The following CNTN5 variants were observed in gnomAD, a reference collection of about 807,000 sequenced individuals.
The protein encoded by CNTN5 is contactin 5.
A neutral mutation model predicts 129.1 loss-of-function variants in CNTN5; 77 were observed. That is an observed-to-expected ratio of 0.60 (90% confidence interval 0.50 to 0.72). The LOEUF is 0.72. Among genes scored for constraint, CNTN5 ranks in the 30% least tolerant of loss-of-function variants. The pLI is 0.00. For synonymous variants in CNTN5, 509 were observed against 465.6 expected (o/e 1.09, Z -1.20); for missense variants, 1,478 against 1,328.8 (o/e 1.11, Z -1.75).
intron 4 of CNTN5, among the ~76,000 whole-genome samples, chr11:99,824,808 A>T (rs534326909): frequency 1.3e-5 from 2 of 152,092 alleles, no homozygotes; most frequent in East Asian, 3.9e-4. Flanking sequence ...GTATTAACCA[A>T]TGTCAGTGAT....
At chr11:99,483,394 G>A (rs1945682029) in intron 2 of CNTN5, among the ~76,000 whole-genome samples, 1 of 151,972 alleles carries the variant, frequency 6.6e-6, no homozygotes, top group Non-Finnish European at 1.5e-5. Flanking sequence ...CTGGAGTTGT[G>A]CGCATGCTCA....
At chr11:99,416,512 C>G (rs1942662320) in intron 2 of CNTN5, among the ~76,000 whole-genome samples, 1 of 151,972 alleles carries the variant, frequency 6.6e-6, no homozygotes, top group Non-Finnish European at 1.5e-5. Flanking sequence ...GTCTCAAATT[C>G]CTGGCTTCAA....
intron 1 of CNTN5, among the ~76,000 whole-genome samples, chr11:99,320,584 G>C (rs1196939293): frequency 1.3e-5 from 2 of 151,910 alleles, no homozygotes; most frequent in Admixed American, 1.3e-4. Context: ...AACCTTCTAA[G>C]GCACAGAAAA....
At chr11:99,927,027 A>G (rs1025197127) in intron 7 of CNTN5, among the ~76,000 whole-genome samples, 7 of 152,220 alleles carry the variant, frequency 4.6e-5, no homozygotes, top group Non-Finnish European at 1.5e-5. Context: ...TTTTAAAAGT[A>G]ATCAATTAGT....
intron 1 of CNTN5, among the ~76,000 whole-genome samples, chr11:99,147,238 T>C (rs1859834491): frequency 6.6e-6 from 1 of 152,290 alleles, no homozygotes; most frequent in South Asian, 2.1e-4. Context: ...GTAAGTATGA[T>C]GATTAAGGTG....
chr11:100,324,089 G>A (rs1018964345), intron 21 of CNTN5, among the ~76,000 whole-genome samples: 19 of 152,082 alleles, frequency 1.2e-4, no homozygotes, highest in Admixed American at 2.0e-4. Context: ...TTAGGAAAAC[G>A]AATATAGATA....
intron 2 of CNTN5, among the ~76,000 whole-genome samples, chr11:99,394,725 G>C (rs566673176): frequency 6.6e-5 from 10 of 151,476 alleles, no homozygotes; most frequent in African/African-American, 2.4e-4. Flanking sequence ...GTTTCACTTT[G>C]TATAGTTCCC....
intron 4 of CNTN5, among the ~76,000 whole-genome samples, chr11:99,826,649 G>A (rs922225715): frequency 2.0e-5 from 3 of 152,166 alleles, no homozygotes; most frequent in Admixed American, 6.5e-5. Context: ...CAATGGCAAA[G>A]GGGTAAGAGA....
chr11:99,678,987 C>A (rs1209938894), intron 3 of CNTN5, among the ~76,000 whole-genome samples: 1 of 146,892 alleles, frequency 6.8e-6, no homozygotes, highest in Non-Finnish European at 1.5e-5. Context: ...ATATAAAATT[C>A]CATAAATATA....
intron 3 of CNTN5, among the ~76,000 whole-genome samples, chr11:99,691,135 G>A (rs1011412962): frequency 3.3e-5 from 5 of 151,298 alleles, no homozygotes; most frequent in African/African-American, 1.2e-4. Context: ...GTGTTTATAT[G>A]AATCTTCTCT....
At chr11:99,636,794 G>C (rs936635594) in intron 3 of CNTN5, among the ~76,000 whole-genome samples, 22 of 25,694 alleles carry the variant, frequency 8.6e-4, no homozygotes, top group Admixed American at 1.4e-3. Context: ...GTGGGGGGAT[G>C]GACGAGATCA....
intron 2 of CNTN5, among the ~76,000 whole-genome samples, chr11:99,503,306 C>T (rs770263439): frequency 9.9e-5 from 15 of 152,240 alleles, no homozygotes; most frequent in Middle Eastern, 3.4e-3. Context: ...TTGTCAAAAC[C>T]GGGTGATCCA....
At chr11:99,306,616 TA>T (rs957868464) in intron 1 of CNTN5, among the ~76,000 whole-genome samples, 3 of 151,610 alleles carry the variant, frequency 2.0e-5, no homozygotes, top group African/African-American at 4.8e-5. Context: ...CTTTTTTAAC[TA>T]AAAAAATTCA....
intron 7 of CNTN5, among the ~76,000 whole-genome samples, chr11:99,922,514 C>A (rs182619180): frequency 1.3e-5 from 2 of 152,138 alleles, no homozygotes; most frequent in Non-Finnish European, 1.5e-5. Context: ...TAACCTGATA[C>A]GTGCTAGAAA....
At chr11:99,871,888 G>C (rs1948512050) in intron 6 of CNTN5, among the ~76,000 whole-genome samples, 1 of 151,510 alleles carries the variant, frequency 6.6e-6, no homozygotes, top group Admixed American at 6.6e-5. Flanking sequence ...ATCTAGCCAT[G>C]ATGCATATTG....
intron 2 of CNTN5, among the ~76,000 whole-genome samples, chr11:99,408,380 A>G (rs4754627): frequency 0.67 from 89,562 of 133,818 alleles, 30,155 homozygotes; most frequent in East Asian, 0.85. Context: ...AAAAAAAAAA[A>G]AAAGAAAGAA....
intron 2 of CNTN5, among the ~76,000 whole-genome samples, chr11:99,541,415 G>A (rs1258899123): frequency 6.6e-6 from 1 of 152,122 alleles, no homozygotes; most frequent in Non-Finnish European, 1.5e-5. Flanking sequence ...ATTAAAGGGT[G>A]TCAGTTGGAT....
At chr11:99,862,920 C>T (rs960220806) in intron 6 of CNTN5, among the ~76,000 whole-genome samples, 1 of 151,918 alleles carries the variant, frequency 6.6e-6, no homozygotes, top group African/African-American at 2.4e-5. Flanking sequence ...TGTGAGAAGT[C>T]GATCTGGGGA....
intron 13 of CNTN5, among the ~76,000 whole-genome samples, chr11:100,106,224 TCACA>T (rs1201329992): frequency 6.6e-6 from 1 of 152,108 alleles, no homozygotes; most frequent in Non-Finnish European, 1.5e-5. Context: ...TCACCTTCAC[TCACA>T]GTTGACTAGT....
Sources: gnomAD v4.1 joint callset for allele counts (sites outside exome capture counted in the v4.1 genomes callset) on GRCh38, gnomAD v4.1.1 for gene constraint, MANE v1.5 for transcripts, NCBI Gene and HGNC (gene_info 2026-07-23, HGNC 2026-07-21) for gene names.